The following PDS5B variants were observed in gnomAD, a reference collection of about 807,000 sequenced individuals.
PDS5B encodes the protein PDS5 cohesin associated factor B, also known as sister chromatid cohesion protein PDS5 homolog B.
Under a neutral mutation model 184.1 loss-of-function variants are expected in PDS5B, and 51 were observed. The observed-to-expected ratio is 0.28, with a 90% CI of 0.22 to 0.35. PDS5B has a LOEUF of 0.35. PDS5B is among the 10% of genes least tolerant of loss of function. PDS5B has a pLI of 1.00. For missense variants in PDS5B, 1,180 were observed against 1,723.3 expected (o/e 0.68, Z 5.58); for synonymous variants, 566 against 569.2 (o/e 0.99, Z 0.08).
At position 32,731,910 on chromosome 13, in the gene PDS5B, A is replaced by G. The variant is rs901980177; in HGVS notation, c.2124-191A>G. ...AAAAAGTAAAAAACACCACATTTGT[A>G]TTTGGATTACATTTTTAATATAAAT... is the stretch of plus-strand genomic sequence containing the variant. On this transcript the variant is annotated intron_variant, in intron 19 of 34. Transcript: ENST00000315596. Among the ~76,000 whole-genome samples the G allele has an allele frequency of 3.9e-5, 6 of 152,284 alleles. No individual in the cohort carries two copies. The East Asian group carries it at 9.6e-4, about 24-fold the overall frequency.
chr13:32,643,450 TA>T (rs1376441789), intron 1 of PDS5B, among the ~76,000 whole-genome samples: 1 of 152,174 alleles, frequency 6.6e-6, no homozygotes, highest in African/African-American at 2.4e-5. Flanking sequence ...AAAACTTAGA[TA>T]TGAAAGTGTC....
At chr13:32,719,792 C>G (rs889339318) in intron 19 of PDS5B, among the ~76,000 whole-genome samples, 3 of 142,956 alleles carry the variant, frequency 2.1e-5, no homozygotes, top group Non-Finnish European at 3.1e-5. Context: ...ACCCCCCCCC[C>G]TTTTTTTTTT....
chr13:32,711,671 T>A (rs1437309511), intron 19 of PDS5B, among the ~76,000 whole-genome samples: 1 of 152,202 alleles, frequency 6.6e-6, no homozygotes, highest in Non-Finnish European at 1.5e-5. Flanking sequence ...ACTTCTAATT[T>A]TTAAGTAATC....
chr13:32,683,849 T>C, intron 10 of PDS5B, 29 bp from the exon 11 acceptor site: 2 of 1,496,392 alleles, frequency 1.3e-6, no homozygotes, highest in Non-Finnish European at 1.8e-6. Flanking sequence ...TTATTAAAAT[T>C]TCCACTGTAA....
intron 1 of PDS5B, among the ~76,000 whole-genome samples, chr13:32,630,512 A>G (rs1408037820): frequency 6.6e-6 from 1 of 152,190 alleles, no homozygotes; most frequent in Non-Finnish European, 1.5e-5. Context: ...AAAAAACGTG[A>G]GAGTGCTGAG....
chr13:32,722,671 A>G (rs1436483893), intron 19 of PDS5B, among the ~76,000 whole-genome samples: 4 of 152,236 alleles, frequency 2.6e-5, no homozygotes, highest in African/African-American at 4.8e-5. Context: ...ACAAATTAAT[A>G]CAGATGTTTA....
chr13:32,586,588 C>G lies in PDS5B; in HGVS notation c.-25C>G, dbSNP rs2057678303. 6.6e-6 allele frequency: 1 copy of G among 151,998 alleles called. No homozygotes were observed. The highest frequency in any genetic ancestry group is 1.5e-5 in the Non-Finnish European group (1 of 67,916). The allele number at this position is 151,998 out of a possible 1,614,324, so 9.4% of individuals were successfully genotyped here. A position where few individuals can be genotyped will look rare whatever the true frequency, so the allele number is the denominator to read the frequency against. On this transcript the variant is annotated 5_prime_UTR_variant, in exon 1 of 35. Transcript: ENST00000315596. Reference sequence around the variant, plus strand: ...GTGAGCGGAGTAGCGAGTCGGCAACCCGGAGGTAGGAAACAATTCAGTTAA... The same window carrying G: ...GTGAGCGGAGTAGCGAGTCGGCAACGCGGAGGTAGGAAACAATTCAGTTAA...
chr13:32,633,558 G>A (rs208413), intron 1 of PDS5B, among the ~76,000 whole-genome samples: 36,570 of 152,078 alleles, frequency 0.24, 4,705 homozygotes, highest in South Asian at 0.37. Flanking sequence ...TAATCCGTAT[G>A]CAGTCCCTCA....
chr13:32,679,183 T>A (rs921510621), intron 10 of PDS5B, among the ~76,000 whole-genome samples: 4 of 152,098 alleles, frequency 2.6e-5, no homozygotes, highest in African/African-American at 9.7e-5. Flanking sequence ...GTTAAATTAG[T>A]TTACCATGAC....
intron 30 of PDS5B, among the ~76,000 whole-genome samples, chr13:32,762,596 C>G (rs1036470635): frequency 6.6e-6 from 1 of 152,030 alleles, no homozygotes; most frequent in Non-Finnish European, 1.5e-5. Context: ...ACTGGTTTTT[C>G]TCCTTGAATT....
At chr13:32,720,470 GA>G (rs1301837747) in intron 19 of PDS5B, among the ~76,000 whole-genome samples, 1 of 152,162 alleles carries the variant, frequency 6.6e-6, no homozygotes, top group Non-Finnish European at 1.5e-5. Flanking sequence ...TTCAGTCAGA[GA>G]AACAAACTAT....
intron 20 of PDS5B, among the ~76,000 whole-genome samples, chr13:32,733,073 C>T (rs9596164): frequency 2.0e-5 from 3 of 151,962 alleles, no homozygotes; most frequent in Non-Finnish European, 4.4e-5. Context: ...TTGGGGATGG[C>T]GGTATTTTCT....
intron 1 of PDS5B, among the ~76,000 whole-genome samples, chr13:32,644,114 G>A (rs1292248008): frequency 1.3e-5 from 2 of 152,038 alleles, no homozygotes; most frequent in Non-Finnish European, 2.9e-5. Context: ...CTTTGTTTCT[G>A]ATCTTAAAGG....
intron 13 of PDS5B, among the ~76,000 whole-genome samples, chr13:32,691,638 T>C (rs1468258765): frequency 6.6e-6 from 1 of 152,086 alleles, no homozygotes. Flanking sequence ...ACTTCATTTG[T>C]CCGGAGTGTA....
chr13:32,773,081 T>A, intron 33 of PDS5B, 108 bp from the exon 34 acceptor site: 1 of 853,664 alleles, frequency 1.2e-6, no homozygotes, highest in Non-Finnish European at 1.8e-6. Flanking sequence ...ATAAAGTAAC[T>A]GAGGGTAAAG....
chr13:32,628,092 G>GCA (rs2058396865), intron 1 of PDS5B, among the ~76,000 whole-genome samples: 1 of 152,064 alleles, frequency 6.6e-6, no homozygotes, highest in African/African-American at 2.4e-5. Context: ...TGAAGGATAG[G>GCA]CAATCCATAA....
intron 1 of PDS5B, among the ~76,000 whole-genome samples, chr13:32,624,641 C>T (rs1396972249): frequency 6.6e-6 from 1 of 151,978 alleles, no homozygotes; most frequent in African/African-American, 2.4e-5. Flanking sequence ...GTTTGTTGGT[C>T]CTTGGGAAGG....
chr13:32,658,363 C>T, intron 4 of PDS5B, 38 bp downstream of exon 4: 1 of 1,414,600 alleles, frequency 7.1e-7, no homozygotes, highest in Non-Finnish European at 9.9e-7. Flanking sequence ...ACATTTTAAA[C>T]TGATTTTTTT....
Position 32,659,203 on chromosome 13 carries a change from T to G in PDS5B, c.547T>G (p.Ser183Ala), listed in dbSNP as rs1950585707. The G allele has an allele frequency of 6.2e-7, 1 of 1,602,594 alleles. No individual in the cohort carries two copies. Among genetic ancestry groups the G allele is most frequent in the African/African-American group, 1.3e-5 (1 of 74,774 alleles). The change falls in exon 6 of 35, where the codon TCT (serine) becomes GCT (alanine). Residue 183 changes from serine (S) to alanine (A), a missense_variant. Ser to Ala is a moderately conservative substitution (Grantham distance 99). This residue lies in a region of PDS5B where 79 missense variants were observed against 124.6 expected (regional missense o/e 0.63). Transcript: ENST00000315596. ...VHMHMVDLMS[S>A]IICEGDTVSQ... The stretch of plus-strand genomic sequence containing the variant: ...TATGCACATGGTAGACCTTATGAGC[T>G]CTATTATTTGTGAAGGTGATACAGT...
Sources: gnomAD v4.1 joint callset for allele counts (sites outside exome capture counted in the v4.1 genomes callset) on GRCh38, gnomAD v4.1.1 for gene constraint, gnomAD v4.1.1 regional missense constraint, MANE v1.5 for transcripts, NCBI Gene and HGNC (gene_info 2026-07-23, HGNC 2026-07-21) for gene names.